ETFRF1: variants seen among roughly 807,000 people sequenced by gnomAD.
ETFRF1 encodes LYR motif containing 5.
A neutral mutation model predicts 9.0 loss-of-function variants in ETFRF1; 12 were observed. The observed-to-expected ratio is 1.34, with a 90% CI of 0.86 to 2.16. ETFRF1 has a LOEUF of 2.16. ETFRF1 is among the 30% of genes most tolerant of loss of function. The pLI, the probability that ETFRF1 is intolerant of heterozygous loss-of-function variation, is 0.00. For missense variants in ETFRF1, 98 were observed against 101.8 expected, an observed-to-expected ratio of 0.96 and a Z score of 0.16; for synonymous variants, 34 against 33.2, an observed-to-expected ratio of 1.02 and a Z score of -0.08.
intron 1 of ETFRF1, among the ~76,000 whole-genome samples, chr12:25,202,710 G>C (rs968052865): frequency 6.6e-6 from 1 of 152,118 alleles, no homozygotes; most frequent in Non-Finnish European, 1.5e-5. Flanking sequence ...AGTGAGAGAA[G>C]GGGTGATGAT....
chr12:25,203,709 C>T (rs1951096617), intron 1 of ETFRF1: 1 of 346,390 alleles, frequency 2.9e-6, no homozygotes, highest in Non-Finnish European at 5.2e-6. Context: ...ATTGTCTTTG[C>T]TTATGTCTCC....
Position 25,203,932 on chromosome 12 carries a change from TA to T in ETFRF1, c.-21del. On this transcript the variant is annotated 5_prime_UTR_variant, in exon 2 of 3. An upstream open reading frame in the 5' UTR loses its in-frame stop. Transcript: ENST00000381356. ...TTCCTTTCTTTAGGTATGTTATGCA[TA>T]AAAGTGGATAATTTACATGATAAAT... is the stretch of plus-strand genomic sequence containing the variant. 7.0e-7 allele frequency: 1 copy of T among 1,436,662 alleles called. No individual in the cohort carries two copies. Among genetic ancestry groups the T allele is most frequent in the Non-Finnish European group, 9.1e-7 (1 of 1,093,044 alleles). The allele number at this position is 1,436,662 out of a possible 1,614,324, so 89.0% of individuals were successfully genotyped here.
chr12:25,201,409 A>G (rs1417423854), intron 1 of ETFRF1, among the ~76,000 whole-genome samples: 2 of 152,296 alleles, frequency 1.3e-5, no homozygotes, highest in African/African-American at 4.8e-5. Flanking sequence ...TTGCTGCTCA[A>G]ATTGCCAAAA....
Position 25,203,931 on chromosome 12 carries a change from A to G in ETFRF1, c.-26A>G. The stretch of plus-strand genomic sequence containing the variant: ...TTTCCTTTCTTTAGGTATGTTATGC[A>G]TAAAAGTGGATAATTTACATGATAA... On this transcript the variant is annotated 5_prime_UTR_variant, in exon 2 of 3. Coordinates refer to ENST00000381356, the MANE Select transcript of ETFRF1 (RefSeq NM_001001660.3). The G allele has an allele frequency of 1.4e-6, 2 of 1,435,530 alleles. No homozygotes were observed. Among genetic ancestry groups the G allele is most frequent in the Non-Finnish European group, 1.8e-6 (2 of 1,092,228 alleles). 88.9% of individuals were successfully genotyped at this position (1,435,530 alleles called of 1,614,324 possible). A position where few individuals can be genotyped will look rare whatever the true frequency, so the allele number is the denominator to read the frequency against.
chr12:25,199,308 TA>T, intron 1 of ETFRF1, among the ~76,000 whole-genome samples: 1 of 138,974 alleles, frequency 7.2e-6, no homozygotes, highest in African/African-American at 2.6e-5. Flanking sequence ...ATGTACTACA[TA>T]GTACATATAG....
chr12:25,197,825 GA>G (rs1216594954), intron 1 of ETFRF1, among the ~76,000 whole-genome samples: 1 of 151,128 alleles, frequency 6.6e-6, no homozygotes, highest in African/African-American at 2.4e-5. Flanking sequence ...TCTGCCAAAA[GA>G]AAAAAAAGGA....
At chr12:25,200,104 G>A (rs1307028614) in intron 1 of ETFRF1, among the ~76,000 whole-genome samples, 4 of 152,090 alleles carry the variant, frequency 2.6e-5, no homozygotes, top group Non-Finnish European at 5.9e-5. Context: ...CAGCTACTTG[G>A]GAGGCTGAGG....
chr12:25,197,153 C>CAA (rs141032804), intron 1 of ETFRF1, among the ~76,000 whole-genome samples: 80 of 127,670 alleles, frequency 6.3e-4, no homozygotes, highest in Admixed American at 5.1e-3. Flanking sequence ...GACTCCGTCT[C>CAA]AAAAAAAAAA....
At chr12:25,200,689 A>G (rs968357830) in intron 1 of ETFRF1, among the ~76,000 whole-genome samples, 1 of 152,232 alleles carries the variant, frequency 6.6e-6, no homozygotes, top group African/African-American at 2.4e-5. Flanking sequence ...TTAGACATCC[A>G]GGGTCTCATT....
chr12:25,203,830 A>G, intron 1 of ETFRF1, 90 bp from the exon 2 acceptor site: 1 of 700,354 alleles, frequency 1.4e-6, no homozygotes, highest in Non-Finnish European at 2.2e-6. Flanking sequence ...GAATGTAAAA[A>G]AGGTTACCAT....
At chr12:25,200,407 G>A (rs913317900) in intron 1 of ETFRF1, among the ~76,000 whole-genome samples, 1 of 152,146 alleles carries the variant, frequency 6.6e-6, no homozygotes, top group South Asian at 2.1e-4. Flanking sequence ...GGCCAACTGA[G>A]TGTCCAGTAC....
In ETFRF1 at chr12:25,204,121, G is replaced by A; in HGVS notation, c.82G>A (p.Gly28Arg). The A allele has an allele frequency of 6.3e-7, 1 of 1,599,570 alleles. No homozygotes were observed. The highest frequency in any genetic ancestry group is 1.1e-5 in the South Asian group (1 of 89,460). ...LLYLGRDYPK[G>R]ADYFKKRLKN... The stretch of plus-strand genomic sequence containing the variant: ...GTATCTTGGACGAGACTATCCAAAA[G>A]GAGCAGACTATTTTAAAAAGCGTTT... Residue 28 changes from glycine (G) to arginine (R), a missense_variant, in exon 3 of 3, where the codon GGA becomes AGA. Coordinates refer to ENST00000381356, the MANE Select transcript of ETFRF1 (RefSeq NM_001001660.3).
rs149050811 is a variant in ETFRF1 at position 25,202,063 on chromosome 12, C to CAAAAAAAAAAAAAAAAAAAAAAAAAAAAA, written c.-37-1837_-37-1836insAAAAAAAAAAAAAAAAAAAAAAAAAAAAA. 2.8e-4 allele frequency among the ~76,000 whole-genome samples: 15 copies of CAAAAAAAAAAAAAAAAAAAAAAAAAAAAA among 52,812 alleles called. 2 individuals are homozygous for CAAAAAAAAAAAAAAAAAAAAAAAAAAAAA. Among genetic ancestry groups the CAAAAAAAAAAAAAAAAAAAAAAAAAAAAA allele is most frequent in the East Asian group, 1.9e-3 (3 of 1,550 alleles). 34.6% of individuals were successfully genotyped at this position (52,812 alleles called of 152,430 possible). On this transcript the variant is annotated intron_variant, in intron 1 of 2. Coordinates refer to ENST00000381356, the MANE Select transcript of ETFRF1 (RefSeq NM_001001660.3). ...GTGAAACCCCGTCTCTACTGAAATA[C>CAAAAAAAAAAAAAAAAAAAAAAAAAAAAA]AAAAAAAAAAAAAAAAAAAATTAGC...
At chr12:25,203,800 G>A (rs1309456357) in intron 1 of ETFRF1, 120 bp from the exon 2 acceptor site, 2 of 577,830 alleles carry the variant, frequency 3.5e-6, no homozygotes, top group African/African-American at 2.0e-5. Context: ...GAACGAAAAA[G>A]TTATCAAGAA....
chr12:25,201,658 A>C (rs1182452504), intron 1 of ETFRF1, among the ~76,000 whole-genome samples: 1 of 152,186 alleles, frequency 6.6e-6, no homozygotes, highest in African/African-American at 2.4e-5. Context: ...AAAATTTCAG[A>C]TTAAATGAAA....
At chr12:25,202,313 C>A (rs1035518219) in intron 1 of ETFRF1, among the ~76,000 whole-genome samples, 2 of 151,908 alleles carry the variant, frequency 1.3e-5, no homozygotes, top group African/African-American at 2.4e-5. Flanking sequence ...GCAAGGCAGG[C>A]ATCTGGGGAA....
chr12:25,195,978 A>T (rs1048334166), intron 1 of ETFRF1: 7 of 152,234 alleles, frequency 4.6e-5, no homozygotes, highest in Non-Finnish European at 1.0e-4. Context: ...ATTGTAGGGC[A>T]TACCTACACC....
intron 1 of ETFRF1, among the ~76,000 whole-genome samples, chr12:25,199,299 T>G (rs1450231832): frequency 6.7e-6 from 1 of 148,422 alleles, no homozygotes; most frequent in African/African-American, 2.5e-5. Flanking sequence ...CTACGTAGTA[T>G]GTACTACATA....
At chr12:25,201,672 A>G (rs948103989) in intron 1 of ETFRF1, among the ~76,000 whole-genome samples, 2 of 152,230 alleles carry the variant, frequency 1.3e-5, no homozygotes, top group African/African-American at 4.8e-5. Flanking sequence ...AATGAAATAC[A>G]TGAAGGCACT....
Sources: allele counts gnomAD v4.1 joint callset (sites outside exome capture counted in the v4.1 genomes callset), GRCh38; gene constraint gnomAD v4.1.1; transcripts MANE v1.5; gene names NCBI Gene and HGNC (gene_info 2026-07-23, HGNC 2026-07-21).